The following MYO9A variants were observed in gnomAD, a reference collection of about 807,000 sequenced individuals.
MYO9A encodes myosin IXA, also known as unconventional myosin-IXa.
In MYO9A, 103 loss-of-function variants were observed where a neutral mutation model predicts 293.3. That is an observed-to-expected ratio of 0.35 (90% CI 0.30 to 0.41). The LOEUF (loss-of-function observed/expected upper bound fraction) is 0.41, where lower values mean the gene tolerates loss of function less well. MYO9A is among the 10% of genes least tolerant of loss of function. The pLI is 1.00. For missense variants in MYO9A, 2,685 were observed against 3,033.0 expected, an observed-to-expected ratio of 0.89 and a Z score of 2.69; for synonymous variants, 1,001 against 1,035.7, an observed-to-expected ratio of 0.97 and a Z score of 0.64.
At chr15:71,992,926 C>CA (rs1279073567) in intron 10 of MYO9A, among the ~76,000 whole-genome samples, 1 of 151,440 alleles carries the variant, frequency 6.6e-6, no homozygotes, top group African/African-American at 2.4e-5. Context: ...GAATTAACTG[C>CA]AAAAAAATTA....
chr15:72,000,284 C>T (rs1286649158), intron 8 of MYO9A, among the ~76,000 whole-genome samples: 1 of 152,226 alleles, frequency 6.6e-6, no homozygotes, highest in Non-Finnish European at 1.5e-5. Flanking sequence ...AGTGACAGCA[C>T]TTCTTGAATT....
intron 18 of MYO9A, among the ~76,000 whole-genome samples, chr15:71,931,005 A>G (rs563437186): frequency 2.0e-5 from 3 of 152,226 alleles, no homozygotes; most frequent in African/African-American, 4.8e-5. Context: ...GTTACATTTT[A>G]TATCTTTTTA....
chr15:72,076,329 A>G (rs2079351690), intron 1 of MYO9A, among the ~76,000 whole-genome samples: 1 of 151,628 alleles, frequency 6.6e-6, no homozygotes, highest in Non-Finnish European at 1.5e-5. Flanking sequence ...AAACCTTATT[A>G]GTCTCAGATA....
chr15:71,825,995 G>GTTTTTTTTTTTTGTTTTTTTTT lies in MYO9A; in HGVS notation c.*584_*585insAAAAAAAAACAAAAAAAAAAAA, dbSNP rs2054472343. The GTTTTTTTTTTTTGTTTTTTTTT allele has an allele frequency of 3.3e-5, 3 of 91,526 alleles. No homozygotes were observed. The highest frequency in any genetic ancestry group is 3.3e-4 in the East Asian group (1 of 2,996). 5.7% of individuals were successfully genotyped at this position (91,526 alleles called of 1,614,324 possible). A position where few individuals can be genotyped will look rare whatever the true frequency, so the allele number is the denominator to read the frequency against. Reference sequence around the variant, plus strand: ...ATGGAAACAATCACGGTTTTTTTTTGTTTTTTTTTTTTTGTTTTTTTTTTT... The same window carrying GTTTTTTTTTTTTGTTTTTTTTT: ...ATGGAAACAATCACGGTTTTTTTTTGTTTTTTTTTTTTGTTTTTTTTTTTTTTTTTTTTTTGTTTTTTTTTTT... On this transcript the variant is annotated 3_prime_UTR_variant, in exon 42 of 42. Coordinates refer to ENST00000356056, the MANE Select transcript of MYO9A (RefSeq NM_006901.4).
intron 19 of MYO9A, among the ~76,000 whole-genome samples, chr15:71,906,889 G>A (rs12906244): frequency 0.013 from 1,942 of 145,744 alleles, 17 homozygotes; most frequent in East Asian, 0.025. Context: ...TCAGCCTCCC[G>A]ATTAGCTGGG....
chr15:71,896,980 A>G (rs2057348963), intron 25 of MYO9A: 1 of 157,190 alleles, frequency 6.4e-6, no homozygotes, highest in East Asian at 1.8e-4. Flanking sequence ...CTACTGTACT[A>G]TATTATTTAA....
rs2076641619 is a variant in MYO9A at position 71,994,564 on chromosome 15, T to C, written c.1492A>G (p.Met498Val). ...LAEAVTVRNS[M>V]AKSLYSALFD... is the part of the protein sequence containing the mutation. ...AGGGCACTATACAGAGACTTAGCCA[T>C]GGAGTTCCTCACTGTCACAGCCTGA... Residue 498 changes from methionine to valine, a missense_variant, in exon 10 of 42, where the codon ATG becomes GTG. This residue lies in a region of MYO9A where 289 missense variants were observed against 456.8 expected (regional missense o/e 0.63). Coordinates refer to ENST00000356056, the MANE Select transcript of MYO9A (RefSeq NM_006901.4). The C allele has an allele frequency of 1.2e-6, 2 of 1,604,034 alleles. No homozygotes were observed. The highest frequency in any genetic ancestry group is 8.5e-7 in the Non-Finnish European group (1 of 1,177,302).
In MYO9A at chr15:71,830,306, C is replaced by G. The variant is rs1567176210; in HGVS notation, c.6843G>C (p.Lys2281Asn). 1 of 1,613,334 alleles carries G rather than the reference C, an allele frequency of 6.2e-7. No individual in the cohort carries two copies. Among genetic ancestry groups the G allele is most frequent in the Admixed American group, 1.7e-5 (1 of 59,872 alleles). Reference protein sequence around the residue: ...RLSLIRRSMGKGRIRRGNYPG... With the variant: ...RLSLIRRSMGNGRIRRGNYPG... Reference sequence around the variant, plus strand: ...GATAGTTTCCTCGACGAATACGCCCCTTTCCCTGCAGAGAAAAATTCATGT... The same window carrying G: ...GATAGTTTCCTCGACGAATACGCCCGTTTCCCTGCAGAGAAAAATTCATGT... The change falls in exon 40 of 42, where the codon AAG (lysine) becomes AAC (asparagine). Residue 2281 changes from lysine (K) to asparagine (N), a missense_variant. Physicochemically the swap from Lys to Asn is moderately conservative, Grantham distance 94. Coordinates refer to ENST00000356056, the MANE Select transcript of MYO9A (RefSeq NM_006901.4).
chr15:72,024,766 A>C (rs1408618311), intron 4 of MYO9A, among the ~76,000 whole-genome samples: 1 of 152,216 alleles, frequency 6.6e-6, no homozygotes, highest in East Asian at 1.9e-4. Flanking sequence ...TCATTATTCC[A>C]AACTACATTG....
Position 71,878,178 on chromosome 15 carries a change from C to A in MYO9A, c.5793G>T (p.Gln1931His). ...CAAGCCTCATCGTCTTTTCCAGAATCTGTTCAAATAGTGCATAGAGGTCTT... is the reference window on the plus strand; with the variant it reads ...CAAGCCTCATCGTCTTTTCCAGAATATGTTCAAATAGTGCATAGAGGTCTT... ...RYKDLYALFE[Q>H]ILEKTMRLEQ... Residue 1931 changes from glutamine (Q) to histidine (H), a missense_variant, in exon 31 of 42, where the codon CAG (glutamine) becomes CAT (histidine). Around this residue, in one of 10 missense-constraint regions of MYO9A, gnomAD observed 1,434 missense variants for 1,497.7 expected, o/e 0.96. Transcript: ENST00000356056. The A allele has an allele frequency of 6.2e-7, 1 of 1,611,712 alleles. No homozygotes were observed. The highest frequency in any genetic ancestry group is 8.5e-7 in the Non-Finnish European group (1 of 1,179,312).
intron 11 of MYO9A, among the ~76,000 whole-genome samples, chr15:71,978,891 T>C (rs1272975998): frequency 6.6e-6 from 1 of 152,162 alleles, no homozygotes; most frequent in Non-Finnish European, 1.5e-5. Flanking sequence ...TTCTTATTCT[T>C]TCCTGTATGG....
intron 15 of MYO9A, among the ~76,000 whole-genome samples, chr15:71,941,284 A>G (rs994983478): frequency 2.0e-5 from 3 of 152,060 alleles, no homozygotes; most frequent in African/African-American, 7.2e-5. Flanking sequence ...AAAATACAAA[A>G]ATTAGCCCGG....
In MYO9A at chr15:71,825,443, T is replaced by TAATA. The variant is rs1263591376; in HGVS notation, c.*1133_*1136dup. On this transcript the variant is annotated 3_prime_UTR_variant, in exon 42 of 42. Transcript: ENST00000356056. ...AGTCCTTGATTTTTTTCCATCTATTTAATACTGATAGTCTGAGAAAAGGAA... is the reference window on the plus strand; with the variant it reads ...AGTCCTTGATTTTTTTCCATCTATTTAATAAATACTGATAGTCTGAGAAAAGGAA... The TAATA allele has an allele frequency of 2.2e-5, 3 of 138,158 alleles. No individual in the cohort carries two copies. Among genetic ancestry groups the TAATA allele is most frequent in the African/African-American group, 5.0e-5 (2 of 39,656 alleles). 8.6% of individuals were successfully genotyped at this position (138,158 alleles called of 1,614,324 possible). A position where few individuals can be genotyped will look rare whatever the true frequency, so the allele number is the denominator to read the frequency against.
At position 71,897,677 on chromosome 15, in the gene MYO9A, C is replaced by G. The variant is rs779469035; in HGVS notation, c.4826G>C (p.Gly1609Ala). The change falls in exon 25 of 42, where the codon GGA becomes GCA. Residue 1609 changes from glycine to alanine, a missense_variant. By Grantham distance (60) the Gly-to-Ala change is moderately conservative. Around this residue, in one of 10 missense-constraint regions of MYO9A, gnomAD observed 1,434 missense variants for 1,497.7 expected, o/e 0.96. Transcript: ENST00000356056. Reference sequence around the variant, plus strand: ...GACAGTACTAGATTGGCATGGACTTCCTTTTCTTTCAAAGAACACGGTGAC... The same window carrying G: ...GACAGTACTAGATTGGCATGGACTTGCTTTTCTTTCAAAGAACACGGTGAC... ...RPVTVFFERK[G>A]SPCQSSTVKE... 1 of 1,614,106 alleles carries G rather than the reference C, an allele frequency of 6.2e-7. No individual in the cohort carries two copies. The highest frequency in any genetic ancestry group is 8.5e-7 in the Non-Finnish European group (1 of 1,180,032).
At chr15:71,906,766 T>TTTTTTTC (rs2057664472) in intron 19 of MYO9A, among the ~76,000 whole-genome samples, 1 of 113,990 alleles carries the variant, frequency 8.8e-6, no homozygotes, top group African/African-American at 3.6e-5. Context: ...TTCTTTTTTT[T>TTTTTTTC]TTTTTTTTTT....
chr15:71,871,087 AT>A (rs2056496160), intron 32 of MYO9A, among the ~76,000 whole-genome samples: 1 of 152,200 alleles, frequency 6.6e-6, no homozygotes, highest in Non-Finnish European at 1.5e-5. Context: ...AATAATAAAC[AT>A]ACTAGGCCAG....
chr15:71,839,386 T>C lies in MYO9A; in HGVS notation c.6838-9075A>G, dbSNP rs529866236. On this transcript the variant is annotated intron_variant, in intron 39 of 41. Coordinates refer to ENST00000356056, the MANE Select transcript of MYO9A (RefSeq NM_006901.4). The stretch of plus-strand genomic sequence containing the variant: ...TCCAGTACTTTTATGTTTTAGTCTT[T>C]GATGTGAATCAGGTTTTTTTTTTCT... Among the ~76,000 whole-genome samples the C allele has an allele frequency of 1.6e-4, 25 of 152,240 alleles. No individual in the cohort carries two copies. The South Asian group carries it at 5.0e-3, about 30-fold the overall frequency.
At chr15:71,897,356 A>C in intron 25 of MYO9A, 105 bp downstream of exon 25, 2 of 1,245,424 alleles carry the variant, frequency 1.6e-6, no homozygotes, top group South Asian at 3.4e-5. Context: ...GAAAATGGCC[A>C]AGTTGAGCAG....
chr15:72,051,935 C>G (rs1292067715), intron 1 of MYO9A, among the ~76,000 whole-genome samples: 1 of 152,200 alleles, frequency 6.6e-6, no homozygotes, highest in African/African-American at 2.4e-5. Flanking sequence ...GGGGACCAGG[C>G]TTTCCATTGG....
Sources: allele counts gnomAD v4.1 joint callset (sites outside exome capture counted in the v4.1 genomes callset), GRCh38; gene constraint gnomAD v4.1.1; regional missense constraint gnomAD v4.1.1; transcripts MANE v1.5; gene names NCBI Gene and HGNC (gene_info 2026-07-23, HGNC 2026-07-21).